MDFIC2: variants seen among roughly 807,000 people sequenced by gnomAD.
The protein encoded by MDFIC2 is MyoD family inhibitor domain containing 2.
intron 2 of MDFIC2, among the ~76,000 whole-genome samples, chr3:70,290,765 C>T (rs1397949851): frequency 6.6e-6 from 1 of 152,056 alleles, no homozygotes; most frequent in Non-Finnish European, 1.5e-5. Flanking sequence ...TCTCGTGGTG[C>T]GCCGTTTTTT....
intron 2 of MDFIC2, among the ~76,000 whole-genome samples, chr3:70,311,538 T>A (rs1310662020): frequency 1.3e-5 from 2 of 152,214 alleles, no homozygotes; most frequent in African/African-American, 4.8e-5. Flanking sequence ...TAAAAATACT[T>A]GTCCTTAAAT....
intron 2 of MDFIC2, among the ~76,000 whole-genome samples, chr3:70,295,208 C>T (rs1489968268): frequency 6.6e-6 from 1 of 152,006 alleles, no homozygotes; most frequent in Non-Finnish European, 1.5e-5. Context: ...ATTGAGATTG[C>T]TTAAGAAGAA....
At chr3:70,287,633 G>C (rs1175053665) in intron 2 of MDFIC2, among the ~76,000 whole-genome samples, 1 of 152,056 alleles carries the variant, frequency 6.6e-6, no homozygotes, top group African/African-American at 2.4e-5. Flanking sequence ...AGAAGGAATG[G>C]TACCAGTTCC....
intron 2 of MDFIC2, among the ~76,000 whole-genome samples, chr3:70,211,361 T>TTCC (rs1168209285): frequency 0.18 from 885 of 4,844 alleles, 395 homozygotes; most frequent in Non-Finnish European, 0.63. Flanking sequence ...TTCCCTTCCC[T>TTCC]TTGCCCTTCC....
At chr3:70,264,562 G>T (rs578172327) in intron 2 of MDFIC2, among the ~76,000 whole-genome samples, 1 of 152,180 alleles carries the variant, frequency 6.6e-6, no homozygotes, top group East Asian at 1.9e-4. Flanking sequence ...AAAGTGAGTT[G>T]GGTGAGTCAA....
intron 2 of MDFIC2, among the ~76,000 whole-genome samples, chr3:70,296,940 C>G (rs1702294998): frequency 6.6e-6 from 1 of 151,906 alleles, no homozygotes. Flanking sequence ...TGTGATCTGC[C>G]TCTCTGGTCT....
intron 2 of MDFIC2, among the ~76,000 whole-genome samples, chr3:70,262,620 A>G (rs1013858382): frequency 2.0e-5 from 3 of 152,182 alleles, no homozygotes; most frequent in Admixed American, 6.5e-5. Context: ...ATATTCTGCT[A>G]GGTTCAAAGC....
chr3:70,288,845 G>T (rs1702196175), intron 2 of MDFIC2, among the ~76,000 whole-genome samples: 1 of 151,376 alleles, frequency 6.6e-6, no homozygotes, highest in South Asian at 2.1e-4. Flanking sequence ...ATCTTTGTTG[G>T]TTTAAAGTCT....
chr3:70,254,191 A>G (rs76688410), intron 2 of MDFIC2, among the ~76,000 whole-genome samples: 50 of 152,300 alleles, frequency 3.3e-4, no homozygotes, highest in South Asian at 8.3e-4. Flanking sequence ...ATAAAACATT[A>G]GTGTCAATTG....
intron 2 of MDFIC2, among the ~76,000 whole-genome samples, chr3:70,277,833 G>A (rs1479811162): frequency 3.3e-5 from 5 of 152,112 alleles, no homozygotes; most frequent in African/African-American, 1.2e-4. Flanking sequence ...TATGTGCCAG[G>A]TACAGGAGAC....
At chr3:70,298,240 G>T (rs1702309941) in intron 2 of MDFIC2, among the ~76,000 whole-genome samples, 1 of 152,046 alleles carries the variant, frequency 6.6e-6, no homozygotes, top group African/African-American at 2.4e-5. Flanking sequence ...TCTGATCATA[G>T]TTGATTCTGC....
intron 2 of MDFIC2, among the ~76,000 whole-genome samples, chr3:70,275,024 C>G (rs1353488109): frequency 6.6e-6 from 1 of 152,094 alleles, no homozygotes; most frequent in Non-Finnish European, 1.5e-5. Flanking sequence ...TCAAAGGAAA[C>G]TACAGAAACT....
At chr3:70,291,404 C>A (rs1328154960) in intron 2 of MDFIC2, among the ~76,000 whole-genome samples, 1 of 152,254 alleles carries the variant, frequency 6.6e-6, no homozygotes, top group Non-Finnish European at 1.5e-5. Flanking sequence ...ACAAATATAT[C>A]GTATTACTAA....
At chr3:70,271,033 T>G (rs1444620974) in intron 2 of MDFIC2, among the ~76,000 whole-genome samples, 5 of 151,794 alleles carry the variant, frequency 3.3e-5, no homozygotes, top group Admixed American at 2.6e-4. Context: ...TCAAGTATAA[T>G]AATAAAAAAG....
At chr3:70,286,600 T>G (rs572236622) in intron 2 of MDFIC2, among the ~76,000 whole-genome samples, 9 of 151,934 alleles carry the variant, frequency 5.9e-5, no homozygotes, top group African/African-American at 4.8e-5. Context: ...GTGAAGAAAG[T>G]CATTGGTAGC....
chr3:70,250,236 T>C (rs554197690), intron 2 of MDFIC2, among the ~76,000 whole-genome samples: 1 of 152,186 alleles, frequency 6.6e-6, no homozygotes, highest in African/African-American at 2.4e-5. Context: ...CTTCTCATCT[T>C]GTGCTGCTGA....
intron 2 of MDFIC2, among the ~76,000 whole-genome samples, chr3:70,229,164 T>C (rs1001959282): frequency 1.3e-5 from 2 of 152,174 alleles, no homozygotes; most frequent in Admixed American, 6.5e-5. Context: ...TTTACCACAA[T>C]TTTTAGTTAT....
intron 2 of MDFIC2, among the ~76,000 whole-genome samples, chr3:70,253,742 A>G (rs1485366705): frequency 2.6e-5 from 4 of 152,176 alleles, no homozygotes; most frequent in African/African-American, 7.2e-5. Flanking sequence ...TAAAAATACA[A>G]ATAAAAAAAG....
intron 2 of MDFIC2, among the ~76,000 whole-genome samples, chr3:70,233,857 T>G (rs530287559): frequency 4.6e-5 from 7 of 152,344 alleles, no homozygotes; most frequent in Admixed American, 1.3e-4. Context: ...GTTGCATGAA[T>G]ATACCTTAAT....
Sources: allele counts gnomAD v4.1 joint callset (sites outside exome capture counted in the v4.1 genomes callset), GRCh38; gene constraint gnomAD v4.1.1; transcripts MANE v1.5; gene names NCBI Gene and HGNC (gene_info 2026-07-23, HGNC 2026-07-21).